BLTP2: variants seen among roughly 807,000 people sequenced by gnomAD.
BLTP2 encodes the protein U937-associated antigen.
At chr17:28,630,284 G>A in the BLTP2 span, among the ~76,000 whole-genome samples, 14 of 151,918 alleles carry the variant, frequency 9.2e-5, no homozygotes, top group Non-Finnish European at 1.8e-4. Context: ...AGCCTCCCGA[G>A]TAGCTGGGAC....
the BLTP2 span, chr17:28,617,516 G>A: frequency 1.2e-5 from 6 of 492,004 alleles, no homozygotes; most frequent in Non-Finnish European, 2.2e-5. Context: ...ACTAAATGCT[G>A]GTAGTACTAT....
chr17:28,619,069 AAATT>A, the BLTP2 span: 1 of 903,038 alleles, frequency 1.1e-6, no homozygotes, highest in Non-Finnish European at 1.7e-6. Context: ...GTAAACCCAG[AAATT>A]AACCTATTCT....
chr17:28,630,468 T>TTG, the BLTP2 span, among the ~76,000 whole-genome samples: 1 of 141,598 alleles, frequency 7.1e-6, no homozygotes, highest in South Asian at 2.4e-4. Context: ...CCCCACTGTT[T>TTG]TTTTTTTTTT....
At chr17:28,641,790 G>T in the BLTP2 span, 1 of 1,059,210 alleles carries the variant, frequency 9.4e-7, no homozygotes, top group Non-Finnish European at 1.4e-6. Flanking sequence ...GGTGACTAGT[G>T]AATCACATCT....
the BLTP2 span, chr17:28,644,917 G>A: frequency 2.9e-6 from 4 of 1,369,908 alleles, no homozygotes; most frequent in Non-Finnish European, 4.0e-6. Flanking sequence ...CCCCTCCTCA[G>A]TCTTTCTTCC....
the BLTP2 span, chr17:28,642,511 C>T: frequency 5.0e-6 from 3 of 604,774 alleles, no homozygotes; most frequent in Admixed American, 2.8e-5. Context: ...ATTAGCCAGG[C>T]GCGGTGGCGG....
At chr17:28,636,371 A>G in the BLTP2 span, among the ~76,000 whole-genome samples, 3 of 152,218 alleles carry the variant, frequency 2.0e-5, no homozygotes, top group Non-Finnish European at 4.4e-5. Context: ...CAGTGCCTCT[A>G]TCTTCTGACT....
At chr17:28,617,413 C>A in the BLTP2 span, 1 of 838,434 alleles carries the variant, frequency 1.2e-6, no homozygotes. Flanking sequence ...TCAGGCTCTA[C>A]ATATGCCTAA....
chr17:28,623,545 T>C, the BLTP2 span, among the ~76,000 whole-genome samples: 4 of 150,580 alleles, frequency 2.7e-5, no homozygotes, highest in African/African-American at 9.9e-5. Flanking sequence ...TTCTGAGAAA[T>C]GAGAGTTTCT....
At chr17:28,628,312 A>C in the BLTP2 span, 151,730 of 1,613,932 alleles carry the variant, frequency 0.094, 7,745 homozygotes, top group East Asian at 0.15. Context: ...GGGAGTGTTA[A>C]CACGAGGTGG....
the BLTP2 span, chr17:28,638,065 G>A: frequency 6.2e-7 from 1 of 1,614,186 alleles, no homozygotes. Context: ...ACTGGGTGCT[G>A]GACAGGCCCA....
chr17:28,628,547 G>A, the BLTP2 span: 73 of 1,613,096 alleles, frequency 4.5e-5, no homozygotes, highest in Non-Finnish European at 5.9e-5. Context: ...TCCCCATCAC[G>A]AGCAGAGAGC....
chr17:28,621,633 C>T, the BLTP2 span: 13 of 667,944 alleles, frequency 1.9e-5, no homozygotes, highest in Admixed American at 2.6e-4. Flanking sequence ...TAGCTTGAAC[C>T]ATATCTCCCA....
the BLTP2 span, chr17:28,635,779 G>A: frequency 4.7e-6 from 3 of 636,826 alleles, no homozygotes; most frequent in South Asian, 6.6e-5. Context: ...GCACTAATGT[G>A]CTGAGCTGAC....
the BLTP2 span, chr17:28,637,833 TACCA>T: frequency 1.2e-6 from 2 of 1,613,262 alleles, no homozygotes; most frequent in South Asian, 1.1e-5. Flanking sequence ...TTGTCCCACT[TACCA>T]ACCAAGGCAG....
At chr17:28,621,072 T>C in the BLTP2 span, 3 of 1,614,204 alleles carry the variant, frequency 1.9e-6, no homozygotes, top group Non-Finnish European at 2.5e-6. Flanking sequence ...TCAGGATCAA[T>C]GTCATGGCTG....
the BLTP2 span, chr17:28,621,109 G>C: frequency 1.9e-6 from 3 of 1,614,174 alleles, no homozygotes; most frequent in Non-Finnish European, 1.7e-6. Context: ...TTCGGCAGTT[G>C]CAACGCGAAA....
At chr17:28,634,529 T>G in the BLTP2 span, 1 of 1,613,136 alleles carries the variant, frequency 6.2e-7, no homozygotes, top group Non-Finnish European at 8.5e-7. Context: ...AGAAAGCTCT[T>G]GACATTGCAC....
chr17:28,626,700 G>A, the BLTP2 span, among the ~76,000 whole-genome samples: 1 of 152,206 alleles, frequency 6.6e-6, no homozygotes, highest in East Asian at 1.9e-4. Flanking sequence ...AGAGCTTCTG[G>A]ATAGCTGAAC....
Sources: gnomAD v4.1 joint callset for allele counts (sites outside exome capture counted in the v4.1 genomes callset) on GRCh38, gnomAD v4.1.1 for gene constraint, MANE v1.5 for transcripts, NCBI Gene and HGNC (gene_info 2026-07-23, HGNC 2026-07-21) for gene names.